Variants in ASIC2 observed in about 807,000 individuals in gnomAD.
ASIC2 encodes the protein acid-sensing ion channel 2.
A neutral mutation model predicts 57.3 loss-of-function variants in ASIC2; 25 were observed. The observed-to-expected ratio is 0.44, with a 90% confidence interval of 0.32 to 0.61. The LOEUF (loss-of-function observed/expected upper bound fraction) is 0.61. Ranked by LOEUF, ASIC2 falls within the 20% of genes least tolerant of loss-of-function variation. ASIC2 has a pLI of 0.06. For missense variants in ASIC2, 641 were observed against 738.1 expected, an observed-to-expected ratio of 0.87 and a Z score of 1.52; for synonymous variants, 319 against 307.5, an observed-to-expected ratio of 1.04 and a Z score of -0.39.
chr17:33,547,823 C>T (rs903101438), intron 1 of ASIC2, among the ~76,000 whole-genome samples: 2 of 152,216 alleles, frequency 1.3e-5, no homozygotes, highest in African/African-American at 4.8e-5. Flanking sequence ...CTAGACCAGT[C>T]TCCCCACCTC....
At position 33,092,778 on chromosome 17, in the gene ASIC2, G is replaced by T. The variant is rs147290381; in HGVS notation, c.860-3788C>A. Among the ~76,000 whole-genome samples the T allele has an allele frequency of 1.1e-3, 170 of 152,368 alleles. 1 individual carries two copies. The highest frequency in any genetic ancestry group is 3.8e-3 in the African/African-American group (158 of 41,582). On this transcript the variant is annotated intron_variant, in intron 2 of 9. Coordinates refer to ENST00000225823, the MANE Select transcript of ASIC2 (RefSeq NM_183377.2). Reference sequence around the variant, plus strand: ...AGATGCCTTAATTCATAGCTCTGGAGTTCTGAATGGGGGCTGAGGGCATGG... The same window carrying T: ...AGATGCCTTAATTCATAGCTCTGGATTTCTGAATGGGGGCTGAGGGCATGG...
At chr17:33,905,280 C>T (rs1405932152) in intron 1 of ASIC2, among the ~76,000 whole-genome samples, 3 of 151,608 alleles carry the variant, frequency 2.0e-5, no homozygotes, top group Non-Finnish European at 4.4e-5. Context: ...GGCTCTAAAG[C>T]TCCTGCTTTT....
intron 3 of ASIC2, among the ~76,000 whole-genome samples, chr17:33,032,507 G>C (rs919208056): frequency 2.2e-5 from 3 of 136,112 alleles, no homozygotes; most frequent in African/African-American, 8.8e-5. Flanking sequence ...GGAGTGCAGT[G>C]GTGCGATCTC....
intron 1 of ASIC2, among the ~76,000 whole-genome samples, chr17:33,416,677 T>G (rs1910853663): frequency 6.6e-6 from 1 of 152,238 alleles, no homozygotes; most frequent in South Asian, 2.1e-4. Context: ...GCACCCCTCA[T>G]TCATCTGCAC....
intron 1 of ASIC2, among the ~76,000 whole-genome samples, chr17:33,578,502 G>T (rs1210445805): frequency 6.6e-6 from 1 of 152,168 alleles, no homozygotes; most frequent in Non-Finnish European, 1.5e-5. Context: ...AGACAATTGG[G>T]ACGGATAGAA....
intron 1 of ASIC2, among the ~76,000 whole-genome samples, chr17:33,233,638 G>A (rs1170908406): frequency 3.3e-5 from 5 of 150,466 alleles, no homozygotes; most frequent in African/African-American, 4.9e-5. Flanking sequence ...TTTTCTGAAC[G>A]GCATCAGGCT....
chr17:33,985,910 C>T (rs1905802571), intron 1 of ASIC2, among the ~76,000 whole-genome samples: 1 of 152,318 alleles, frequency 6.6e-6, no homozygotes, highest in African/African-American at 2.4e-5. Flanking sequence ...GGCCTTTGGC[C>T]TGGGTCTTTC....
intron 1 of ASIC2, among the ~76,000 whole-genome samples, chr17:33,880,462 G>A (rs1914670968): frequency 2.6e-5 from 4 of 152,278 alleles, no homozygotes; most frequent in Admixed American, 2.6e-4. Flanking sequence ...ACTACCATCA[G>A]AGAATACTAT....
chr17:34,155,697 C>T, intron 1 of ASIC2: 2 of 431,250 alleles, frequency 4.6e-6, no homozygotes, highest in Middle Eastern at 6.3e-4. Context: ...CTCCCTCTGA[C>T]TGGGAGGAAG....
intron 1 of ASIC2, among the ~76,000 whole-genome samples, chr17:33,670,500 T>C (rs759486610): frequency 6.6e-6 from 1 of 152,140 alleles, no homozygotes; most frequent in African/African-American, 2.4e-5. Flanking sequence ...TGGCTACCCA[T>C]CTCAACGGTG....
intron 1 of ASIC2, among the ~76,000 whole-genome samples, chr17:33,657,355 A>G (rs1008538252): frequency 6.6e-6 from 1 of 152,156 alleles, no homozygotes; most frequent in African/African-American, 2.4e-5. Flanking sequence ...GCCTGACCCC[A>G]TTATGACAAT....
intron 1 of ASIC2, among the ~76,000 whole-genome samples, chr17:33,504,414 C>T (rs1344928062): frequency 6.6e-6 from 1 of 152,218 alleles, no homozygotes; most frequent in Non-Finnish European, 1.5e-5. Flanking sequence ...TCTCAGTTCA[C>T]TGCAACCTCC....
chr17:33,863,169 T>C (rs1914140338), intron 1 of ASIC2, among the ~76,000 whole-genome samples: 1 of 152,138 alleles, frequency 6.6e-6, no homozygotes, highest in Non-Finnish European at 1.5e-5. Flanking sequence ...AATAGAGCAG[T>C]TGGAAGAAGA....
At chr17:33,993,987 G>T (rs1484114298) in intron 1 of ASIC2, among the ~76,000 whole-genome samples, 1 of 152,156 alleles carries the variant, frequency 6.6e-6, no homozygotes, top group Non-Finnish European at 1.5e-5. Context: ...ACCCCAAAGA[G>T]TAGTGAATGT....
intron 1 of ASIC2, among the ~76,000 whole-genome samples, chr17:33,256,661 A>G (rs1909089422): frequency 6.6e-6 from 1 of 152,088 alleles, no homozygotes; most frequent in Non-Finnish European, 1.5e-5. Context: ...GCAAAACCCC[A>G]TCTCTACTAA....
At chr17:33,681,544 G>A (rs923682468) in intron 1 of ASIC2, among the ~76,000 whole-genome samples, 2 of 152,212 alleles carry the variant, frequency 1.3e-5, no homozygotes, top group African/African-American at 4.8e-5. Context: ...CCTTCCTGGA[G>A]CATTTCAAAG....
intron 1 of ASIC2, among the ~76,000 whole-genome samples, chr17:33,439,126 G>A (rs1031752408): frequency 6.6e-6 from 1 of 152,190 alleles, no homozygotes; most frequent in African/African-American, 2.4e-5. Context: ...TTCCAGGCAT[G>A]AGCCATCACA....
intron 1 of ASIC2, among the ~76,000 whole-genome samples, chr17:34,027,458 C>T (rs962825219): frequency 6.6e-6 from 1 of 152,014 alleles, no homozygotes. Context: ...TAGTTGCCAC[C>T]TCTTTGAAAA....
At chr17:33,672,766 C>A (rs569096491) in intron 1 of ASIC2, among the ~76,000 whole-genome samples, 1 of 152,272 alleles carries the variant, frequency 6.6e-6, no homozygotes, top group South Asian at 2.1e-4. Context: ...ATTCAACTGG[C>A]AGCATTTAGG....
Sources: allele counts gnomAD v4.1 joint callset (sites outside exome capture counted in the v4.1 genomes callset), GRCh38; gene constraint gnomAD v4.1.1; transcripts MANE v1.5; gene names NCBI Gene and HGNC (gene_info 2026-07-23, HGNC 2026-07-21).